RORB: variants seen among roughly 807,000 people sequenced by gnomAD.
The protein encoded by RORB is RAR related orphan receptor B.
Under a neutral mutation model 59.1 loss-of-function variants are expected in RORB, and 6 were observed. The observed-to-expected ratio is 0.10, with a 90% CI of 0.06 to 0.20. The LOEUF is 0.20. Among genes scored for constraint, RORB ranks in the 10% least tolerant of loss-of-function variants. The pLI is 1.00. For synonymous variants in RORB, 215 were observed against 204.5 expected (o/e 1.05, Z -0.44); for missense variants, 320 against 560.5 (o/e 0.57, Z 4.33).
intron 3 of RORB, among the ~76,000 whole-genome samples, chr9:74,635,855 T>C (rs934149222): frequency 1.3e-5 from 2 of 151,482 alleles, no homozygotes; most frequent in African/African-American, 2.4e-5. Flanking sequence ...ACATTTAGTA[T>C]AAAGGGATTT....
chr9:74,520,928 A>G (rs1826077574), intron 1 of RORB, among the ~76,000 whole-genome samples: 2 of 151,944 alleles, frequency 1.3e-5, no homozygotes, highest in Non-Finnish European at 2.9e-5. Context: ...GATTTAACAG[A>G]TTAATTAACC....
chr9:74,601,085 G>A (rs988420262), intron 1 of RORB, among the ~76,000 whole-genome samples: 1 of 151,968 alleles, frequency 6.6e-6, no homozygotes, highest in African/African-American at 2.4e-5. Flanking sequence ...CATGAGATAG[G>A]CATGCTCATG....
At chr9:74,601,469 A>G (rs1823055335) in intron 1 of RORB, among the ~76,000 whole-genome samples, 1 of 151,852 alleles carries the variant, frequency 6.6e-6, no homozygotes, top group Non-Finnish European at 1.5e-5. Context: ...CAAGGCAATC[A>G]GTTTTACCAG....
intron 1 of RORB, among the ~76,000 whole-genome samples, chr9:74,575,210 G>A (rs759691227): frequency 2.0e-5 from 3 of 151,942 alleles, no homozygotes; most frequent in South Asian, 2.1e-4. Flanking sequence ...AAAATTACCC[G>A]GTATTACTCT....
chr9:74,514,546 T>C (rs1825982828), intron 1 of RORB, among the ~76,000 whole-genome samples: 2 of 151,956 alleles, frequency 1.3e-5, no homozygotes, highest in South Asian at 4.1e-4. Context: ...TTGAACTTAG[T>C]ATTCCCATCA....
Position 74,686,095 on chromosome 9 carries a change from G to C in RORB, c.*477G>C, listed in dbSNP as rs1174643699. ...AAAGTACTGTGCATGTATGTAATAA[G>C]TATATAATATGTGAGAATATTATAT... On this transcript the variant is annotated 3_prime_UTR_variant, in exon 10 of 10. Transcript: ENST00000376896. 1 of 152,714 alleles carries C rather than the reference G, an allele frequency of 6.5e-6. No individual in the cohort carries two copies. The highest frequency in any genetic ancestry group is 2.4e-5 in the African/African-American group (1 of 41,428). The allele number at this position is 152,714 out of a possible 1,614,324, so 9.5% of individuals were successfully genotyped here.
intron 3 of RORB, among the ~76,000 whole-genome samples, chr9:74,642,022 G>T (rs1823815660): frequency 6.6e-6 from 1 of 152,148 alleles, no homozygotes; most frequent in Non-Finnish European, 1.5e-5. Flanking sequence ...AAGATTAAGA[G>T]AAAAGTTAGT....
intron 1 of RORB, among the ~76,000 whole-genome samples, chr9:74,614,115 G>A (rs547005611): frequency 2.0e-5 from 3 of 152,270 alleles, no homozygotes; most frequent in African/African-American, 7.2e-5. Flanking sequence ...TGGGTTGAAT[G>A]ACAGTACTGT....
intron 1 of RORB, among the ~76,000 whole-genome samples, chr9:74,539,601 G>A (rs941401599): frequency 2.6e-5 from 4 of 152,000 alleles, no homozygotes; most frequent in African/African-American, 4.8e-5. Context: ...CCCTCATAGA[G>A]CGTTTTGTTC....
intron 1 of RORB, among the ~76,000 whole-genome samples, chr9:74,570,939 A>C (rs1822541338): frequency 6.6e-6 from 1 of 151,510 alleles, no homozygotes; most frequent in Admixed American, 6.6e-5. Context: ...AATTCTGGGA[A>C]TCACACTATT....
intron 1 of RORB, among the ~76,000 whole-genome samples, chr9:74,521,041 AAT>A (rs1399273134): frequency 1.3e-5 from 2 of 151,938 alleles, no homozygotes; most frequent in African/African-American, 4.8e-5. Flanking sequence ...CAGCTAGAAA[AAT>A]ACATAAACAT....
chr9:74,530,873 T>G (rs149149416), intron 1 of RORB, among the ~76,000 whole-genome samples: 2,099 of 148,484 alleles, frequency 0.014, 40 homozygotes, highest in African/African-American at 0.048. Context: ...TCCTTCCCCC[T>G]ACCCCCTACC....
chr9:74,606,930 GTTC>G (rs1823158520), intron 1 of RORB, among the ~76,000 whole-genome samples: 1 of 152,164 alleles, frequency 6.6e-6, no homozygotes, highest in South Asian at 2.1e-4. Flanking sequence ...ATTTGTTGTT[GTTC>G]TTGTTGTTGT....
intron 1 of RORB, among the ~76,000 whole-genome samples, chr9:74,564,855 T>C (rs372438665): frequency 6.6e-6 from 1 of 152,170 alleles, no homozygotes; most frequent in East Asian, 1.9e-4. Context: ...TTTTAAAAGG[T>C]GTAAAGAGGC....
intron 1 of RORB, among the ~76,000 whole-genome samples, chr9:74,591,008 G>T (rs1277722303): frequency 6.6e-6 from 1 of 152,050 alleles, no homozygotes; most frequent in African/African-American, 2.4e-5. Flanking sequence ...TGTTAACCAG[G>T]ATAGTCCCGA....
At chr9:74,538,312 C>T (rs1826352052) in intron 1 of RORB, among the ~76,000 whole-genome samples, 1 of 151,972 alleles carries the variant, frequency 6.6e-6, no homozygotes, top group African/African-American at 2.4e-5. Flanking sequence ...TGATTGTATT[C>T]TTGTTCTCAA....
chr9:74,599,021 A>G (rs1823014421), intron 1 of RORB, among the ~76,000 whole-genome samples: 1 of 152,190 alleles, frequency 6.6e-6, no homozygotes, highest in African/African-American at 2.4e-5. Flanking sequence ...CCATGAGAAC[A>G]GCACCAAGAC....
chr9:74,532,682 T>C (rs1055845443), intron 1 of RORB, among the ~76,000 whole-genome samples: 27 of 150,300 alleles, frequency 1.8e-4, no homozygotes, highest in Admixed American at 6.7e-4. Flanking sequence ...ATATACGTAT[T>C]ATATATAACT....
At chr9:74,515,269 C>T (rs1701454387) in intron 1 of RORB, among the ~76,000 whole-genome samples, 1 of 151,558 alleles carries the variant, frequency 6.6e-6, no homozygotes, top group African/African-American at 2.4e-5. Context: ...TTATTAGGTC[C>T]ATTTGATAGA....
Sources: allele counts gnomAD v4.1 joint callset (sites outside exome capture counted in the v4.1 genomes callset), GRCh38; gene constraint gnomAD v4.1.1; transcripts MANE v1.5; gene names NCBI Gene and HGNC (gene_info 2026-07-23, HGNC 2026-07-21).